CEP104: variants seen among roughly 807,000 people sequenced by gnomAD.
CEP104 encodes the protein centrosomal protein 104.
Under a neutral mutation model 113.3 loss-of-function variants are expected in CEP104, and 84 were observed. That is an observed-to-expected ratio of 0.74 (90% confidence interval 0.62 to 0.89). The LOEUF (loss-of-function observed/expected upper bound fraction) is 0.89, where lower values mean the gene tolerates loss of function less well. CEP104 is among the 40% of genes least tolerant of loss of function. The pLI, the probability that CEP104 is intolerant of heterozygous loss-of-function variation, is 0.00. For missense variants in CEP104, 1,053 were observed against 1,156.6 expected, an observed-to-expected ratio of 0.91 and a Z score of 1.30; for synonymous variants, 378 against 421.7, an observed-to-expected ratio of 0.90 and a Z score of 1.27.
chr1:3,845,139 T>G (rs1046478675), intron 5 of CEP104, 150 bp downstream of exon 5: 2 of 810,014 alleles, frequency 2.5e-6, no homozygotes, highest in African/African-American at 1.7e-5. Context: ...AAGTTTCATA[T>G]GCTACAGCTC....
intron 4 of CEP104, among the ~76,000 whole-genome samples, chr1:3,845,814 G>A (rs967523966): frequency 3.3e-5 from 5 of 152,020 alleles, no homozygotes; most frequent in Admixed American, 1.3e-4. Flanking sequence ...AAGCCTGGGC[G>A]CGGTGCCTCA....
intron 20 of CEP104, among the ~76,000 whole-genome samples, chr1:3,821,865 C>G (rs1643980553): frequency 6.6e-6 from 1 of 152,248 alleles, no homozygotes; most frequent in Non-Finnish European, 1.5e-5. Flanking sequence ...AGAGAATGAA[C>G]CTGTTCAAAA....
At chr1:3,838,224 C>T (rs1160325452) in intron 8 of CEP104, among the ~76,000 whole-genome samples, 1 of 152,170 alleles carries the variant, frequency 6.6e-6, no homozygotes, top group Non-Finnish European at 1.5e-5. Context: ...GCGATCGTAG[C>T]TCACTGCAGC....
In CEP104 at chr1:3,815,429, G is replaced by T. The variant is rs538187962; in HGVS notation, c.2751C>A (p.Ser917Arg). 80 of 1,613,050 alleles carry T rather than the reference G, an allele frequency of 5.0e-5. 1 individual carries two copies. In the South Asian group the frequency reaches 8.4e-4, roughly 17 times the overall value. Reference sequence around the variant, plus strand: ...AGCGCTTGGCGTACGTCCTGCTGGAGCTCTTGCTCAGTCCGCCCTTCGGGG... The same window carrying T: ...AGCGCTTGGCGTACGTCCTGCTGGATCTCTTGCTCAGTCCGCCCTTCGGGG... Reference protein sequence around the residue: ...IPTPKGGLSKSSSRTYAKR With the variant: ...IPTPKGGLSKRSSRTYAKR Residue 917 changes from serine (S) to arginine (R), a missense_variant, in exon 22 of 22, where the codon AGC becomes AGA. By Grantham distance (110) the Ser-to-Arg change is moderately radical. Transcript: ENST00000378230.
At chr1:3,835,862 A>G (rs1178116240) in intron 10 of CEP104, among the ~76,000 whole-genome samples, 1 of 152,166 alleles carries the variant, frequency 6.6e-6, no homozygotes, top group Non-Finnish European at 1.5e-5. Context: ...CACATAATTT[A>G]TAATTTACAG....
chr1:3,828,239 G>A (rs1644131101), intron 15 of CEP104, among the ~76,000 whole-genome samples: 2 of 152,166 alleles, frequency 1.3e-5, no homozygotes, highest in South Asian at 2.1e-4. Context: ...CCGTGTCCTC[G>A]TTTGTGTACT....
intron 1 of CEP104, among the ~76,000 whole-genome samples, chr1:3,855,631 T>G (rs1644706167): frequency 6.6e-6 from 1 of 152,198 alleles, no homozygotes; most frequent in Admixed American, 6.5e-5. Flanking sequence ...GCACAGGGAC[T>G]GTGGAGGCAA....
rs1643933233 is a variant in CEP104, at chr1:3,819,632, G to A, written c.2572-3262C>T. Among the ~76,000 whole-genome samples, 1 of 152,194 alleles carries A rather than the reference G, an allele frequency of 6.6e-6. No homozygotes were observed. The highest frequency in any genetic ancestry group is 2.1e-4 in the South Asian group (1 of 4,828). On this transcript the variant is annotated intron_variant, in intron 20 of 21. Coordinates refer to ENST00000378230, the MANE Select transcript of CEP104 (RefSeq NM_014704.4). This position sits in a 1 kb window ranked among gnomAD's most constrained non-coding sequence, Gnocchi z 4.6. ...ACTGGAGATGGAAGGAGAAAGGGCA[G>A]GGGCCATTCAACTAGAACAGAAAGG...
In CEP104 at chr1:3,831,129, T is replaced by C. The variant is rs779521091; in HGVS notation, c.1753A>G (p.Met585Val). The C allele has an allele frequency of 5.6e-6, 9 of 1,614,102 alleles. No homozygotes were observed. Among genetic ancestry groups the C allele is most frequent in the Non-Finnish European group, 7.6e-6 (9 of 1,180,038 alleles). ...CGGGCCAGGAGGCCCATCTGACTCA[T>C]TGCCAGGTGAACTGAAGAGTTTGCT... ...LKANSSVHLA[M>V]SQMGLLARLL... The change falls in exon 13 of 22, where the codon ATG becomes GTG. Residue 585 changes from methionine (M) to valine (V), a missense_variant. Transcript: ENST00000378230.
At chr1:3,846,502 G>C (rs771804809) in intron 4 of CEP104, among the ~76,000 whole-genome samples, 1 of 152,116 alleles carries the variant, frequency 6.6e-6, no homozygotes, top group Non-Finnish European at 1.5e-5. Context: ...CATTCATGAC[G>C]AGATTATCTG....
At position 3,823,316 on chromosome 1, in the gene CEP104, G is replaced by T. The variant is rs1315562806; in HGVS notation, c.2504-75C>A. The T allele has an allele frequency of 8.1e-6, 13 of 1,605,018 alleles. No individual in the cohort carries two copies. Among genetic ancestry groups the T allele is most frequent in the Admixed American group, 5.0e-5 (3 of 59,998 alleles). On this transcript the variant is annotated intron_variant, in intron 19 of 21. Coordinates refer to ENST00000378230, the MANE Select transcript of CEP104 (RefSeq NM_014704.4). This position sits in a 1 kb window ranked among gnomAD's most constrained non-coding sequence, Gnocchi z 4.1. ...AGACATGCTGCTGGCCTGCCCGCAG[G>T]TGCCCTTTAATTCACCAAGCCCTTG... is the stretch of plus-strand genomic sequence containing the variant.
chr1:3,840,004 C>T (rs530230016), intron 6 of CEP104, among the ~76,000 whole-genome samples: 1 of 152,304 alleles, frequency 6.6e-6, no homozygotes, highest in Non-Finnish European at 1.5e-5. Flanking sequence ...GACCATGGAC[C>T]AAACTGCACT....
At position 3,819,480 on chromosome 1, in the gene CEP104, AG is replaced by A. The variant is rs1476147825; in HGVS notation, c.2572-3111del. ...AGATCTCCATGAAGCTGTTAAAAAC[AG>A]GTGATCTTAATGAGTGAACAGAGGT... On this transcript the variant is annotated intron_variant, in intron 20 of 21. Coordinates refer to ENST00000378230, the MANE Select transcript of CEP104 (RefSeq NM_014704.4). The surrounding 1 kb of genome is among the most constrained non-coding windows in gnomAD (Gnocchi z 4.6). Among the ~76,000 whole-genome samples, 1 of 152,258 alleles carries A rather than the reference AG, an allele frequency of 6.6e-6. No individual in the cohort carries two copies. Among genetic ancestry groups the A allele is most frequent in the East Asian group, 1.9e-4 (1 of 5,204 alleles).
rs1354707796 is a variant in CEP104 at position 3,823,444 on chromosome 1, A to G, written c.2483T>C (p.Ile828Thr). The G allele has an allele frequency of 4.3e-6, 7 of 1,614,206 alleles. No homozygotes were observed. The highest frequency in any genetic ancestry group is 2.2e-5 in the East Asian group (1 of 44,884). ...AVFKEELPRHIKHKDCNPAKP... is the reference protein window; with the variant it reads ...AVFKEELPRHTKHKDCNPAKP... ...CTCACGGTTGCAATCCTTGTGTTTT[A>G]TGTGTCTGGGCAGCTCTTCCTTGAA... The change falls in exon 19 of 22, where the codon ATA becomes ACA. Residue 828 changes from isoleucine (I) to threonine (T), a missense_variant. Physicochemically the swap from Ile to Thr is moderately conservative, Grantham distance 89 (BLOSUM62 -1). Coordinates refer to ENST00000378230, the MANE Select transcript of CEP104 (RefSeq NM_014704.4). This position sits in a 1 kb window ranked among gnomAD's most constrained non-coding sequence, Gnocchi z 4.1.
intron 15 of CEP104, among the ~76,000 whole-genome samples, chr1:3,827,784 C>T (rs576372878): frequency 4.6e-5 from 7 of 152,366 alleles, no homozygotes; most frequent in Non-Finnish European, 1.5e-5. Flanking sequence ...GCCCCCACAA[C>T]CCATGGCCCC....
chr1:3,825,719 G>C (rs1371176554), intron 18 of CEP104, 39 bp downstream of exon 18: 1 of 1,311,122 alleles, frequency 7.6e-7, no homozygotes, highest in Non-Finnish European at 1.1e-6. Flanking sequence ...AGGTGTTCCC[G>C]CTCATGCAAG....
chr1:3,819,634 G>C lies in CEP104; in HGVS notation c.2572-3264C>G, dbSNP rs1643933341. On this transcript the variant is annotated intron_variant, in intron 20 of 21. Coordinates refer to ENST00000378230, the MANE Select transcript of CEP104 (RefSeq NM_014704.4). This position sits in a 1 kb window ranked among gnomAD's most constrained non-coding sequence, Gnocchi z 4.6. ...TGGAGATGGAAGGAGAAAGGGCAGG[G>C]GCCATTCAACTAGAACAGAAAGGAA... 6.6e-6 allele frequency among the ~76,000 whole-genome samples: 1 copy of C among 152,130 alleles called. No individual in the cohort carries two copies. Among genetic ancestry groups the C allele is most frequent in the Admixed American group, 6.5e-5 (1 of 15,270 alleles).
intron 2 of CEP104, among the ~76,000 whole-genome samples, chr1:3,849,179 A>G (rs896067703): frequency 6.6e-6 from 1 of 151,772 alleles, no homozygotes; most frequent in African/African-American, 2.4e-5. Flanking sequence ...ATATTTAAGG[A>G]GTGCCTGCCT....
intron 1 of CEP104, among the ~76,000 whole-genome samples, chr1:3,853,973 T>G (rs914825084): frequency 6.6e-6 from 1 of 152,148 alleles, no homozygotes; most frequent in African/African-American, 2.4e-5. Context: ...TGAGTGTGAT[T>G]TAACCCACTG....
Sources: allele counts gnomAD v4.1 joint callset (sites outside exome capture counted in the v4.1 genomes callset), GRCh38; gene constraint gnomAD v4.1.1; non-coding constraint Gnocchi (gnomAD v3.1); transcripts MANE v1.5; gene names NCBI Gene and HGNC (gene_info 2026-07-23, HGNC 2026-07-21).